TRRAP: variants seen among roughly 807,000 people sequenced by gnomAD.
The protein encoded by TRRAP is transformation/transcription domain associated protein.
In TRRAP, 41 loss-of-function variants were observed where a neutral mutation model predicts 438.8. The ratio of observed to expected loss-of-function variants is 0.09; its 90% CI spans 0.07 to 0.12. The LOEUF (loss-of-function observed/expected upper bound fraction) is 0.12, where lower values mean the gene tolerates loss of function less well. Ranked by LOEUF, TRRAP falls within the 10% of genes least tolerant of loss-of-function variation. The probability of loss-of-function intolerance (pLI) is 1.00; values close to 1 mark genes in which losing one functional copy is unlikely to be tolerated. For synonymous variants in TRRAP, 1,994 were observed against 1,962.9 expected (o/e 1.02, Z -0.42); for missense variants, 3,122 against 5,055.1 (o/e 0.62, Z 11.60).
intron 18 of TRRAP, among the ~76,000 whole-genome samples, chr7:98,914,188 A>G (rs1412941498): frequency 6.6e-6 from 1 of 152,090 alleles, no homozygotes; most frequent in Non-Finnish European, 1.5e-5. Context: ...TGAGCCCAAG[A>G]GTTCAAGACC....
chr7:98,949,333 T>G (rs1584348935), intron 35 of TRRAP, 84 bp from the exon 36 acceptor site: 1 of 1,354,018 alleles, frequency 7.4e-7, no homozygotes, highest in Non-Finnish European at 9.6e-7. Context: ...TTTAAAAGAT[T>G]TAGAAAGATT....
At chr7:98,965,988 A>G (rs1210908974) in intron 49 of TRRAP, 93 bp downstream of exon 49, 2 of 1,433,206 alleles carry the variant, frequency 1.4e-6, no homozygotes, top group Non-Finnish European at 1.9e-6. Context: ...GAAGCAAAAC[A>G]TTTTTTTCTG....
intron 3 of TRRAP, among the ~76,000 whole-genome samples, chr7:98,886,467 G>T (rs1369919388): frequency 1.3e-5 from 2 of 151,884 alleles, no homozygotes; most frequent in Non-Finnish European, 1.5e-5. Flanking sequence ...GATATCTAGA[G>T]AGATAGAGAT....
At chr7:98,881,031 A>C in intron 1 of TRRAP, 59 bp from the exon 2 acceptor site, 1 of 668,076 alleles carries the variant, frequency 1.5e-6, no homozygotes, top group Non-Finnish European at 2.4e-6. Flanking sequence ...TAAGATTTTC[A>C]CAGAGATTGT....
chr7:98,891,391 A>C (rs1472962543), intron 4 of TRRAP, among the ~76,000 whole-genome samples: 4 of 146,754 alleles, frequency 2.7e-5, no homozygotes, highest in African/African-American at 1.0e-4. Flanking sequence ...TTTGTACTTT[A>C]ATAGAGACCA....
intron 7 of TRRAP, among the ~76,000 whole-genome samples, chr7:98,896,773 G>C (rs1426205689): frequency 6.6e-6 from 1 of 152,164 alleles, no homozygotes; most frequent in South Asian, 2.1e-4. Flanking sequence ...TTCAGTCTGG[G>C]GAGAATGTAT....
At chr7:99,006,721 G>T (rs1323647527) in intron 69 of TRRAP, among the ~76,000 whole-genome samples, 1 of 152,154 alleles carries the variant, frequency 6.6e-6, no homozygotes, top group East Asian at 1.9e-4. Context: ...ACCCTCACCG[G>T]GCAGGCTTAA....
intron 2 of TRRAP, 74 bp from the exon 3 acceptor site, chr7:98,881,901 A>G (rs1795456138): frequency 1.3e-6 from 2 of 1,516,956 alleles, no homozygotes; most frequent in Non-Finnish European, 1.8e-6. Flanking sequence ...TTAAATTACT[A>G]AATCCAAGTT....
intron 70 of TRRAP, among the ~76,000 whole-genome samples, 192 bp downstream of exon 70, chr7:99,008,753 T>G (rs1403480336): frequency 6.6e-6 from 1 of 152,228 alleles, no homozygotes; most frequent in African/African-American, 2.4e-5. Flanking sequence ...AGAGGACACT[T>G]GTCGTGGACG....
chr7:98,911,160 G>A lies in TRRAP; in HGVS notation c.1896G>A (p.Leu632=). 6 of 1,614,160 alleles carry A rather than the reference G, an allele frequency of 3.7e-6. No individual in the cohort carries two copies. The highest frequency in any genetic ancestry group is 5.1e-6 in the Non-Finnish European group (6 of 1,180,036). The change falls in exon 17 of 73, where the codon TTG becomes TTA. Residue 632 remains leucine (L), a synonymous_variant. Transcript: ENST00000456197. Reference sequence around the variant, plus strand: ...GAATGAAAGAGGAGAAGGAGGTATTGGAGCATTTCGCTGGTGTGTTCACAA... The same window carrying A: ...GAATGAAAGAGGAGAAGGAGGTATTAGAGCATTTCGCTGGTGTGTTCACAA... ...TVRMKEEKEV[L]EHFAGVFTMM... is the part of the protein sequence containing the mutation.
intron 12 of TRRAP, among the ~76,000 whole-genome samples, chr7:98,905,272 C>T (rs1477298204): frequency 1.3e-5 from 2 of 152,188 alleles, no homozygotes; most frequent in Non-Finnish European, 2.9e-5. Context: ...CCTCCGTGTG[C>T]TGCCTGGCTG....
chr7:98,935,153 G>T (rs1554413925), intron 27 of TRRAP, among the ~76,000 whole-genome samples: 1 of 152,068 alleles, frequency 6.6e-6, no homozygotes, highest in Non-Finnish European at 1.5e-5. Flanking sequence ...AAAAAAGTGT[G>T]TTCACTTAAA....
chr7:98,942,852 A>G lies in TRRAP; in HGVS notation c.4405-97A>G, dbSNP rs1292552098. The G allele has an allele frequency of 2.2e-6, 3 of 1,344,018 alleles. No individual in the cohort carries two copies. In the African/African-American group the frequency reaches 4.3e-5, roughly 19 times the overall value. The allele number at this position is 1,344,018 out of a possible 1,614,324, so 83.3% of individuals were successfully genotyped here. On this transcript the variant is annotated intron_variant, in intron 30 of 72. Coordinates refer to ENST00000456197, the MANE Select transcript of TRRAP (RefSeq NM_001375524.1). ...TAATAATGGAAACACTGCAGTTCTC[A>G]CACTAAACACGATGGAAATGAATGA...
In TRRAP at chr7:98,965,871, T is replaced by C. The variant is rs1792129509; in HGVS notation, c.7152T>C (p.Asn2384=). 6.2e-7 allele frequency: 1 copy of C among 1,614,070 alleles called. No homozygotes were observed. Among genetic ancestry groups the C allele is most frequent in the East Asian group, 2.2e-5 (1 of 44,898 alleles). Residue 2384 remains asparagine (N), a synonymous_variant, in exon 49 of 73, where the codon AAT becomes AAC. Coordinates refer to ENST00000456197, the MANE Select transcript of TRRAP (RefSeq NM_001375524.1). ...AAATCGTGGAAGAATGGGTCAAGAATAACTCCCCAATGGCAGCCAATCAGG... is the reference window on the plus strand; with the variant it reads ...AAATCGTGGAAGAATGGGTCAAGAACAACTCCCCAATGGCAGCCAATCAGG... The part of the protein sequence containing the change: ...VVKIVEEWVK[N]NSPMAANQTP...
In TRRAP at chr7:98,994,820, T is replaced by C; in HGVS notation, c.10281T>C (p.Phe3427=). The C allele has an allele frequency of 1.2e-6, 2 of 1,613,162 alleles. No individual in the cohort carries two copies. The highest frequency in any genetic ancestry group is 1.7e-6 in the Non-Finnish European group (2 of 1,179,128). ...RAQATAQDPV[F]QKLKGQFTTD... ...AGGCCACTGCACAAGACCCTGTCTT[T>C]CAGAAGCTGAAAGGCCAGTTCACGA... Residue 3427 remains phenylalanine, a synonymous_variant, in exon 67 of 73, where the codon TTT becomes TTC. Transcript: ENST00000456197. The surrounding 1 kb of genome is among the most constrained non-coding windows in gnomAD (Gnocchi z 4.8).
At chr7:98,957,927 GT>G (rs1791699035) in intron 43 of TRRAP, 53 bp from the exon 44 acceptor site, 1 of 1,522,704 alleles carries the variant, frequency 6.6e-7, no homozygotes, top group Middle Eastern at 1.7e-4. Flanking sequence ...TCAAGCCTGG[GT>G]TGGAAATTAG....
At position 98,988,768 on chromosome 7, in the gene TRRAP, C is replaced by G. The variant is rs748729725; in HGVS notation, c.9393C>G (p.Ser3131=). 6.2e-7 allele frequency: 1 copy of G among 1,613,918 alleles called. No individual in the cohort carries two copies. The highest frequency in any genetic ancestry group is 2.2e-5 in the East Asian group (1 of 44,884). Residue 3131 remains serine (S), a synonymous_variant, in exon 63 of 73, where the codon TCC becomes TCG. Coordinates refer to ENST00000456197, the MANE Select transcript of TRRAP (RefSeq NM_001375524.1). ...TTGGTTTTCTGTCTCCTCACAGGTC[C>G]GAGGAGGCAAACAAAGCCTTCTCTG... ...KGMFLAQINK[S]EEANKAFSAA... is the part of the protein sequence containing the mutation.
At chr7:98,993,444 C>T in intron 65 of TRRAP, 94 bp from the exon 66 acceptor site, 1 of 1,345,810 alleles carries the variant, frequency 7.4e-7, no homozygotes, top group Non-Finnish European at 1.0e-6. Flanking sequence ...CCGGCAGGAA[C>T]CAGCGCTCCT....
At chr7:98,933,591 A>C (rs1271046116) in intron 27 of TRRAP, among the ~76,000 whole-genome samples, 189 bp downstream of exon 27, 1 of 152,212 alleles carries the variant, frequency 6.6e-6, no homozygotes, top group African/African-American at 2.4e-5. Context: ...GAAGGGAGGT[A>C]TGGCCAGCAG....
Sources: allele counts gnomAD v4.1 joint callset (sites outside exome capture counted in the v4.1 genomes callset), GRCh38; gene constraint gnomAD v4.1.1; non-coding constraint Gnocchi (gnomAD v3.1); transcripts MANE v1.5; gene names NCBI Gene and HGNC (gene_info 2026-07-23, HGNC 2026-07-21).